Variants in C4BPB observed in about 807,000 individuals in gnomAD.
C4BPB encodes C4b-binding protein beta chain.
Under a neutral mutation model 26.6 loss-of-function variants are expected in C4BPB, and 19 were observed. That is an observed-to-expected ratio of 0.71 (90% CI 0.50 to 1.05). The LOEUF is 1.05. Among genes scored for constraint, C4BPB ranks in the 50% least tolerant of loss-of-function variants. C4BPB has a pLI of 0.00. For synonymous variants in C4BPB, 118 were observed against 103.5 expected, an observed-to-expected ratio of 1.14 and a Z score of -0.85; for missense variants, 282 against 302.9, an observed-to-expected ratio of 0.93 and a Z score of 0.51.
At position 207,089,551 on chromosome 1, in the gene C4BPB, G is replaced by A; in HGVS notation, c.20G>A (p.Cys7Tyr). The change falls in exon 2 of 7, where the codon TGC (cysteine) becomes TAC (tyrosine). Residue 7 changes from cysteine to tyrosine, a missense_variant. Coordinates refer to ENST00000367078, the MANE Select transcript of C4BPB (RefSeq NM_001017365.3). MFFWCA[C>Y]CLMVAWRVSA... ...CACCAGATGTTTTTTTGGTGTGCGT[G>A]CTGTCTTATGGTTGCGTGGCGAGTT... 1 of 1,614,066 alleles carries A rather than the reference G, an allele frequency of 6.2e-7. No individual in the cohort carries two copies. Among genetic ancestry groups the A allele is most frequent in the Non-Finnish European group, 8.5e-7 (1 of 1,179,966 alleles).
intron 3 of C4BPB, 115 bp downstream of exon 3, chr1:207,090,596 C>A: frequency 1.1e-6 from 1 of 899,326 alleles, no homozygotes; most frequent in South Asian, 2.0e-5. Flanking sequence ...TTCTCAATTT[C>A]TAGGAGACCT....
At chr1:207,096,797 C>A (rs145702007) in intron 5 of C4BPB, among the ~76,000 whole-genome samples, 182 bp downstream of exon 5, 1 of 152,316 alleles carries the variant, frequency 6.6e-6, no homozygotes, top group African/African-American at 2.4e-5. Flanking sequence ...AGAAGACAGA[C>A]TGATCCTACT....
intron 6 of C4BPB, 114 bp from the exon 7 acceptor site, chr1:207,099,675 C>A: frequency 1.3e-6 from 1 of 762,720 alleles, no homozygotes; most frequent in Non-Finnish European, 2.1e-6. Context: ...TTTACTTAAG[C>A]TAGCCTGGTT....
intron 4 of C4BPB, among the ~76,000 whole-genome samples, chr1:207,092,271 G>A (rs1049935684): frequency 1.3e-5 from 2 of 152,046 alleles, no homozygotes; most frequent in Non-Finnish European, 1.5e-5. Context: ...TTTATTTCAT[G>A]ACTTTTTCTT....
intron 2 of C4BPB, among the ~76,000 whole-genome samples, chr1:207,089,981 C>T (rs1361365154): frequency 6.6e-6 from 1 of 152,266 alleles, no homozygotes; most frequent in African/African-American, 2.4e-5. Flanking sequence ...AATAAAACTT[C>T]GGAATTCCGG....
chr1:207,093,922 G>A (rs1338953063), intron 4 of C4BPB, among the ~76,000 whole-genome samples: 1 of 152,130 alleles, frequency 6.6e-6, no homozygotes, highest in Non-Finnish European at 1.5e-5. Context: ...AAAATAAGCA[G>A]TTGGGTAAGG....
chr1:207,095,303 G>T (rs912069179), intron 4 of C4BPB: 1 of 456,488 alleles, frequency 2.2e-6, no homozygotes, highest in Admixed American at 2.4e-5. Context: ...CCACAGACTC[G>T]TCCTCTTCCC....
chr1:207,097,592 T>C (rs961718136), intron 5 of C4BPB, among the ~76,000 whole-genome samples: 3 of 131,664 alleles, frequency 2.3e-5, no homozygotes, highest in African/African-American at 8.0e-5. Flanking sequence ...AAAACAAACA[T>C]AGAAGTGCAG....
At position 207,096,525 on chromosome 1, in the gene C4BPB, A is replaced by G; in HGVS notation, c.413A>G (p.Asp138Gly). 1 of 1,592,292 alleles carries G rather than the reference A, an allele frequency of 6.3e-7. No homozygotes were observed. Among genetic ancestry groups the G allele is most frequent in the Non-Finnish European group, 8.6e-7 (1 of 1,161,300 alleles). Reference sequence around the variant, plus strand: ...CTTCTATACTCGTTTCTCTCAGGGGACTGTGACCCTCCTGGGAATCCAGTT... The same window carrying G: ...CTTCTATACTCGTTTCTCTCAGGGGGCTGTGACCCTCCTGGGAATCCAGTT... ...APPFPICKSR[D>G]CDPPGNPVHG... The change falls in exon 5 of 7, where the codon GAC (aspartate) becomes GGC (glycine). Residue 138 changes from aspartate (D) to glycine (G), a missense_variant. By Grantham distance (94) the Asp-to-Gly change is moderately conservative. Coordinates refer to ENST00000367078, the MANE Select transcript of C4BPB (RefSeq NM_001017365.3).
At chr1:207,097,033 C>A (rs181285531) in intron 5 of C4BPB, among the ~76,000 whole-genome samples, 120 of 152,152 alleles carry the variant, frequency 7.9e-4, no homozygotes, top group African/African-American at 2.6e-3. Flanking sequence ...ATTAGCTGGG[C>A]GTGGTGGCAC....
At position 207,096,555 on chromosome 1, in the gene C4BPB, G is replaced by A; in HGVS notation, c.443G>A (p.Gly148Asp). ...DCDPPGNPVH[G>D]YFEGNNFTLG... ...GACCCTCCTGGGAATCCAGTTCATG[G>A]CTATTTTGAAGGAAATAACTTCACC... Residue 148 changes from glycine to aspartate, a missense_variant, in exon 5 of 7, where the codon GGC becomes GAC. Transcript: ENST00000367078. The A allele has an allele frequency of 1.1e-5, 18 of 1,610,038 alleles. No individual in the cohort carries two copies. The highest frequency in any genetic ancestry group is 1.5e-5 in the Non-Finnish European group (18 of 1,176,840).
intron 4 of C4BPB, among the ~76,000 whole-genome samples, chr1:207,092,629 CT>C (rs755904248): frequency 0.013 from 1,778 of 134,540 alleles, 24 homozygotes; most frequent in African/African-American, 0.035. Context: ...TTCTTTCTTT[CT>C]TTTTTTTTTT....
intron 4 of C4BPB, 122 bp downstream of exon 4, chr1:207,091,942 A>G: frequency 1.3e-6 from 1 of 797,868 alleles, no homozygotes; most frequent in East Asian, 2.7e-5. Flanking sequence ...CTTAAGATCT[A>G]GCAGACAGCC....
chr1:207,095,605 A>T, intron 4 of C4BPB: 2 of 356,562 alleles, frequency 5.6e-6, no homozygotes, highest in South Asian at 4.2e-5. Flanking sequence ...CTGGGATTAC[A>T]GGTGTGAGCC....
intron 6 of C4BPB, 84 bp from the exon 7 acceptor site, chr1:207,099,705 G>A: frequency 8.6e-7 from 1 of 1,166,102 alleles, no homozygotes; most frequent in Admixed American, 2.5e-5. Flanking sequence ...CATTCAGAGA[G>A]CTAACTGCTG....
At position 207,089,549 on chromosome 1, in the gene C4BPB, G is replaced by A. The variant is rs371525248; in HGVS notation, c.18G>A (p.Ala6=). 22 of 1,613,880 alleles carry A rather than the reference G, an allele frequency of 1.4e-5. No individual in the cohort carries two copies. Among genetic ancestry groups the A allele is most frequent in the Admixed American group, 6.7e-5 (4 of 59,990 alleles). ...ATCACCAGATGTTTTTTTGGTGTGC[G>A]TGCTGTCTTATGGTTGCGTGGCGAG... is the stretch of plus-strand genomic sequence containing the variant. MFFWC[A]CCLMVAWRVS... The change falls in exon 2 of 7, where the codon GCG becomes GCA. Residue 6 remains alanine (A), a synonymous_variant. Coordinates refer to ENST00000367078, the MANE Select transcript of C4BPB (RefSeq NM_001017365.3).
chr1:207,099,793 C>T lies in C4BPB; in HGVS notation c.623C>T (p.Ala208Val). Residue 208 changes from alanine to valine, a missense_variant, in exon 7 of 7, where the codon GCC becomes GTC. Coordinates refer to ENST00000367078, the MANE Select transcript of C4BPB (RefSeq NM_001017365.3). ...PKPECEKALL[A>V]FQESKNLCEA... ...TGAAAAATTTTCTTTCTTCAGCTTG[C>T]CTTTCAGGAGAGTAAGAACCTCTGC... 6.2e-7 allele frequency: 1 copy of T among 1,609,664 alleles called. No homozygotes were observed. The highest frequency in any genetic ancestry group is 8.5e-7 in the Non-Finnish European group (1 of 1,178,730).
intron 2 of C4BPB, 103 bp from the exon 3 acceptor site, chr1:207,090,205 G>A: frequency 1.1e-6 from 1 of 911,086 alleles, no homozygotes; most frequent in Non-Finnish European, 1.6e-6. Flanking sequence ...ACAGGAATCA[G>A]GATCAATAAT....
In C4BPB at chr1:207,099,858, G is replaced by T. The variant is rs368880169; in HGVS notation, c.688G>T (p.Gly230Cys). The T allele has an allele frequency of 1.2e-6, 2 of 1,613,864 alleles. No individual in the cohort carries two copies. The highest frequency in any genetic ancestry group is 1.7e-6 in the Non-Finnish European group (2 of 1,179,744). Residue 230 changes from glycine (G) to cysteine (C), a missense_variant, in exon 7 of 7, where the codon GGC (glycine) becomes TGC (cysteine). Physicochemically the swap from Gly to Cys is radical, Grantham distance 159 (BLOSUM62 -3). Coordinates refer to ENST00000367078, the MANE Select transcript of C4BPB (RefSeq NM_001017365.3). ...ENFMQQLKES[G>C]MTMEELKYSL... Reference sequence around the variant, plus strand: ...CTTTATGCAACAATTAAAGGAAAGTGGCATGACAATGGAGGAGCTAAAATA... The same window carrying T: ...CTTTATGCAACAATTAAAGGAAAGTTGCATGACAATGGAGGAGCTAAAATA...
Sources: allele counts gnomAD v4.1 joint callset (sites outside exome capture counted in the v4.1 genomes callset), GRCh38; gene constraint gnomAD v4.1.1; transcripts MANE v1.5; gene names NCBI Gene and HGNC (gene_info 2026-07-23, HGNC 2026-07-21).